Variants in RARB observed in about 807,000 individuals in gnomAD.
The protein encoded by RARB is HBV-activated protein.
RARB carries 17 observed loss-of-function variants against 51.9 expected under a neutral mutation model. The observed-to-expected ratio is 0.33, with a 90% CI of 0.22 to 0.49. The LOEUF (loss-of-function observed/expected upper bound fraction) is 0.49. RARB is among the 20% of genes least tolerant of loss of function. The pLI is 0.99. For missense variants in RARB, 369 were observed against 550.8 expected, an observed-to-expected ratio of 0.67 and a Z score of 3.30; for synonymous variants, 215 against 195.4, an observed-to-expected ratio of 1.10 and a Z score of -0.84.
intron 2 of RARB, among the ~76,000 whole-genome samples, chr3:24,884,441 C>T (rs972974496): frequency 2.0e-5 from 3 of 152,058 alleles, no homozygotes; most frequent in African/African-American, 7.2e-5. Context: ...ATACTGAGGG[C>T]ACAGTTTTCC....
At chr3:25,393,181 T>C (rs1259515839) in intron 5 of RARB, among the ~76,000 whole-genome samples, 4 of 152,154 alleles carry the variant, frequency 2.6e-5, no homozygotes, top group African/African-American at 9.7e-5. Flanking sequence ...GCTTATGTGT[T>C]GTATCACATT....
At chr3:25,065,993 G>T (rs553983892) in intron 3 of RARB, among the ~76,000 whole-genome samples, 2 of 152,220 alleles carry the variant, frequency 1.3e-5, no homozygotes, top group East Asian at 3.9e-4. Flanking sequence ...GTGCAGAAAT[G>T]TGCATTTTTT....
At chr3:24,922,126 T>A (rs1342302167) in intron 2 of RARB, among the ~76,000 whole-genome samples, 1 of 152,220 alleles carries the variant, frequency 6.6e-6, no homozygotes, top group Non-Finnish European at 1.5e-5. Flanking sequence ...AAGTATTTTA[T>A]GAAAGCACTT....
At chr3:25,414,692 A>G (rs1208954532) in intron 5 of RARB, among the ~76,000 whole-genome samples, 3 of 152,162 alleles carry the variant, frequency 2.0e-5, no homozygotes, top group African/African-American at 7.2e-5. Flanking sequence ...GCATTGTTTC[A>G]TAGGTTTATT....
intron 2 of RARB, among the ~76,000 whole-genome samples, chr3:24,955,762 A>G (rs751708567): frequency 6.6e-6 from 1 of 152,122 alleles, no homozygotes; most frequent in Non-Finnish European, 1.5e-5. Context: ...GGGAGAATAA[A>G]TGTACCTGGA....
At chr3:25,336,758 C>A (rs1420871931) in intron 5 of RARB, among the ~76,000 whole-genome samples, 1 of 152,080 alleles carries the variant, frequency 6.6e-6, no homozygotes, top group Non-Finnish European at 1.5e-5. Flanking sequence ...GTTAATGTGG[C>A]CAAGCAATAC....
At chr3:25,578,704 C>G (rs1042035115) in intron 4 of RARB, among the ~76,000 whole-genome samples, 1 of 152,242 alleles carries the variant, frequency 6.6e-6, no homozygotes, top group East Asian at 1.9e-4. Flanking sequence ...CATGTCTACT[C>G]TCCACAAGGA....
At chr3:25,025,270 A>C (rs930061757) in intron 2 of RARB, 1 of 152,198 alleles carries the variant, frequency 6.6e-6, no homozygotes, top group Admixed American at 6.5e-5. Flanking sequence ...GGTGATAGCA[A>C]ATGCTTATGG....
intron 5 of RARB, among the ~76,000 whole-genome samples, chr3:25,224,007 T>C (rs1702001830): frequency 1.3e-5 from 2 of 152,176 alleles, no homozygotes; most frequent in African/African-American, 2.4e-5. Flanking sequence ...TCTAAACACA[T>C]AAAGCATAAT....
chr3:25,494,540 T>C (rs1244737334), intron 2 of RARB, among the ~76,000 whole-genome samples: 8 of 152,228 alleles, frequency 5.3e-5, no homozygotes, highest in Admixed American at 5.2e-4. Context: ...TTTTTCACTG[T>C]CTGCTTCCAT....
At chr3:25,320,369 C>T (rs1340217686) in intron 5 of RARB, among the ~76,000 whole-genome samples, 1 of 152,146 alleles carries the variant, frequency 6.6e-6, no homozygotes, top group African/African-American at 2.4e-5. Context: ...TACTTTCACA[C>T]CAGCTTCAGA....
chr3:24,966,606 A>ATCTCTCTCTCTCTCTCTCTCTC (rs55848511), intron 2 of RARB, among the ~76,000 whole-genome samples: 4 of 140,228 alleles, frequency 2.9e-5, no homozygotes, highest in African/African-American at 8.1e-5. Flanking sequence ...GTTTACATTC[A>ATCTCTCTCTCTCTCTCTCTCTC]TCTCTCTCTC....
At chr3:25,381,766 A>G (rs767866750) in intron 5 of RARB, among the ~76,000 whole-genome samples, 2 of 152,200 alleles carry the variant, frequency 1.3e-5, no homozygotes, top group Non-Finnish European at 2.9e-5. Context: ...CTCAGGCCCT[A>G]TCTCTGCCCT....
chr3:25,316,676 T>C (rs1328586118), intron 5 of RARB, among the ~76,000 whole-genome samples: 1 of 152,142 alleles, frequency 6.6e-6, no homozygotes, highest in Non-Finnish European at 1.5e-5. Flanking sequence ...GAACAGCACA[T>C]TTGGTATTAG....
chr3:25,203,400 G>C (rs1225291260), intron 5 of RARB, among the ~76,000 whole-genome samples: 1 of 152,168 alleles, frequency 6.6e-6, no homozygotes, highest in Non-Finnish European at 1.5e-5. Context: ...GCCAGTCTGT[G>C]TCTTTTAATT....
At chr3:25,083,091 T>C (rs188826146) in intron 3 of RARB, among the ~76,000 whole-genome samples, 5 of 151,858 alleles carry the variant, frequency 3.3e-5, no homozygotes, top group African/African-American at 9.7e-5. Flanking sequence ...GCTTTTAGAC[T>C]TTTTATCTTT....
chr3:25,166,212 A>C (rs896777674), intron 4 of RARB, among the ~76,000 whole-genome samples: 2 of 152,202 alleles, frequency 1.3e-5, no homozygotes, highest in Non-Finnish European at 2.9e-5. Flanking sequence ...AGTTGAGAGT[A>C]ATTTTATCAG....
intron 3 of RARB, among the ~76,000 whole-genome samples, chr3:25,511,870 A>G (rs1026855577): frequency 6.6e-6 from 1 of 152,204 alleles, no homozygotes; most frequent in Non-Finnish European, 1.5e-5. Flanking sequence ...TGATAAAACA[A>G]GGGGTCAATG....
At chr3:24,979,973 A>G (rs1043920014) in intron 2 of RARB, among the ~76,000 whole-genome samples, 2 of 152,198 alleles carry the variant, frequency 1.3e-5, no homozygotes, top group South Asian at 2.1e-4. Flanking sequence ...GGTGGTGACA[A>G]AATCTTTCAG....
Sources: allele counts gnomAD v4.1 joint callset (sites outside exome capture counted in the v4.1 genomes callset), GRCh38; gene constraint gnomAD v4.1.1; transcripts MANE v1.5; gene names NCBI Gene and HGNC (gene_info 2026-07-23, HGNC 2026-07-21).